ADGB: variants seen among roughly 807,000 people sequenced by gnomAD.
ADGB encodes calpain-7-like protein.
Under a neutral mutation model 210.5 loss-of-function variants are expected in ADGB, and 172 were observed. The ratio of observed to expected loss-of-function variants is 0.82; its 90% CI spans 0.72 to 0.93. The LOEUF is 0.93. ADGB is among the 40% of genes least tolerant of loss of function. The pLI is 0.00. For synonymous variants in ADGB, 658 were observed against 662.7 expected (o/e 0.99, Z 0.11); for missense variants, 2,025 against 1,964.8 (o/e 1.03, Z -0.58).
At chr6:146,706,313 G>T (rs960126655) in intron 13 of ADGB, among the ~76,000 whole-genome samples, 5 of 150,638 alleles carry the variant, frequency 3.3e-5, no homozygotes, top group African/African-American at 1.2e-4. Context: ...AGGCTGGAGT[G>T]CAGTGGCACA....
intron 19 of ADGB, among the ~76,000 whole-genome samples, chr6:146,728,336 T>C (rs1345652113): frequency 2.0e-5 from 3 of 152,174 alleles, no homozygotes; most frequent in Non-Finnish European, 4.4e-5. Flanking sequence ...GGGGAAATTT[T>C]ACGTGATCCC....
intron 2 of ADGB, among the ~76,000 whole-genome samples, chr6:146,641,124 A>G (rs988477447): frequency 6.6e-6 from 1 of 152,018 alleles, no homozygotes; most frequent in Admixed American, 6.6e-5. Flanking sequence ...AACAATAGCC[A>G]AAATGAGAGC....
In ADGB at chr6:146,778,286, C is replaced by A. The variant is rs1384126982; in HGVS notation, c.3863-3734C>A. Among the ~76,000 whole-genome samples, 4 of 152,106 alleles carry A rather than the reference C, an allele frequency of 2.6e-5. No homozygotes were observed. The East Asian group carries it at 5.8e-4, about 22-fold the overall frequency. On this transcript the variant is annotated intron_variant, in intron 29 of 35. Transcript: ENST00000397944. ...TTAGGATGAAGGGCTGGTACTGCAA[C>A]ACCTGGAGGCAGGGGAGGCCTGAGG...
At chr6:146,793,434 G>C (rs1019406251) in intron 33 of ADGB, among the ~76,000 whole-genome samples, 1 of 152,142 alleles carries the variant, frequency 6.6e-6, no homozygotes, top group African/African-American at 2.4e-5. Flanking sequence ...CTTCCTGCTG[G>C]ATGGGGGCAA....
intron 26 of ADGB, among the ~76,000 whole-genome samples, chr6:146,751,217 G>A (rs895382146): frequency 2.7e-5 from 4 of 149,324 alleles, no homozygotes; most frequent in African/African-American, 7.4e-5. Flanking sequence ...ACTTATAAGT[G>A]AGAATATGCA....
At chr6:146,799,691 G>A (rs1395752215) in intron 33 of ADGB, among the ~76,000 whole-genome samples, 1 of 152,014 alleles carries the variant, frequency 6.6e-6, no homozygotes, top group Admixed American at 6.6e-5. Context: ...TCTGGTAGGG[G>A]ATGTTAATAA....
At chr6:146,772,708 T>C (rs1195241082) in intron 29 of ADGB, among the ~76,000 whole-genome samples, 2 of 150,498 alleles carry the variant, frequency 1.3e-5, no homozygotes, top group Non-Finnish European at 3.0e-5. Flanking sequence ...TACCTGTGTA[T>C]ATTTTCTGTG....
intron 13 of ADGB, among the ~76,000 whole-genome samples, chr6:146,712,545 G>T (rs968737344): frequency 6.6e-6 from 1 of 151,958 alleles, no homozygotes; most frequent in Admixed American, 6.6e-5. Context: ...GCTGCATACT[G>T]CATGAACCAC....
At chr6:146,634,940 C>T (rs1775389918) in intron 1 of ADGB, among the ~76,000 whole-genome samples, 1 of 148,314 alleles carries the variant, frequency 6.7e-6, no homozygotes, top group African/African-American at 2.4e-5. Flanking sequence ...GAAATATTAA[C>T]AATATGCTGA....
At chr6:146,667,042 A>G (rs1226341287) in intron 7 of ADGB, 140 bp downstream of exon 7, 1 of 578,646 alleles carries the variant, frequency 1.7e-6, no homozygotes, top group Admixed American at 3.0e-5. Context: ...TTGTAGTATT[A>G]TATAAAGTTC....
chr6:146,708,065 A>C (rs1776601721), intron 13 of ADGB, among the ~76,000 whole-genome samples: 1 of 152,096 alleles, frequency 6.6e-6, no homozygotes, highest in African/African-American at 2.4e-5. Context: ...ATAGCAACTT[A>C]ACTTTGATCG....
intron 1 of ADGB, among the ~76,000 whole-genome samples, chr6:146,616,618 T>G (rs1780803413): frequency 6.6e-6 from 1 of 152,100 alleles, no homozygotes. Flanking sequence ...TGGTGAAAGG[T>G]GGGGGTCTAG....
At position 146,657,067 on chromosome 6, in the gene ADGB, C is replaced by T. The variant is rs747837421; in HGVS notation, c.612+87C>T. ...TGGCATGGTGGCTCATGCCTGTAAT[C>T]GCAGCACTTTGGGAGGCAAAGGCCA... On this transcript the variant is annotated intron_variant, in intron 5 of 35. Transcript: ENST00000397944. The T allele has an allele frequency of 7.9e-5, 98 of 1,246,446 alleles. No individual in the cohort carries two copies. The Middle Eastern group carries it at 5.9e-3, about 75-fold the overall frequency. The allele number at this position is 1,246,446 out of a possible 1,614,324, so 77.2% of individuals were successfully genotyped here.
chr6:146,698,140 G>T (rs1776435912), intron 12 of ADGB, among the ~76,000 whole-genome samples: 2 of 152,168 alleles, frequency 1.3e-5, no homozygotes, highest in Non-Finnish European at 2.9e-5. Flanking sequence ...TGGATTGCTA[G>T]TAATATGAAA....
In ADGB at chr6:146,691,301, C is replaced by A; in HGVS notation, c.1486+11C>A. 2 of 1,527,616 alleles carry A rather than the reference C, an allele frequency of 1.3e-6. No individual in the cohort carries two copies. The highest frequency in any genetic ancestry group is 1.8e-6 in the Non-Finnish European group (2 of 1,137,718). The allele number at this position is 1,527,616 out of a possible 1,614,324, so 94.6% of individuals were successfully genotyped here. A position where few individuals can be genotyped will look rare whatever the true frequency, so the allele number is the denominator to read the frequency against. On this transcript the variant is annotated intron_variant, in intron 11 of 35. Transcript: ENST00000397944. Reference sequence around the variant, plus strand: ...CAGATGAAGCTCAAGGTATGTATCACATCATCTTCAAATCCTTCTAATTAA... The same window carrying A: ...CAGATGAAGCTCAAGGTATGTATCAAATCATCTTCAAATCCTTCTAATTAA...
rs147671018 is a variant in ADGB at position 146,694,525 on chromosome 6, G to T, written c.1577+1610G>T. ...TCAACATATAAATTTGATGGCAGAA[G>T]TATATACACACCTTCAGACCATAGC... On this transcript the variant is annotated intron_variant, in intron 12 of 35. Transcript: ENST00000397944. 1.3e-5 allele frequency among the ~76,000 whole-genome samples: 2 copies of T among 152,128 alleles called. 1 individual carries two copies. The highest frequency in any genetic ancestry group is 4.1e-4 in the South Asian group (2 of 4,830).
At chr6:146,807,794 G>T in intron 35 of ADGB, 1 of 379,856 alleles carries the variant, frequency 2.6e-6, no homozygotes, top group Non-Finnish European at 4.6e-6. Context: ...CAATAAAATA[G>T]CTTCCAAATA....
intron 1 of ADGB, among the ~76,000 whole-genome samples, chr6:146,607,054 T>G (rs1204644262): frequency 2.0e-5 from 3 of 152,216 alleles, no homozygotes; most frequent in African/African-American, 7.2e-5. Context: ...TCCATTTATT[T>G]GTGTCATCTC....
At chr6:146,632,113 C>T (rs923019024) in intron 1 of ADGB, among the ~76,000 whole-genome samples, 10 of 152,014 alleles carry the variant, frequency 6.6e-5, no homozygotes, top group Admixed American at 6.6e-5. Context: ...CATTCATTGA[C>T]AAATTCATTT....
Sources: allele counts gnomAD v4.1 joint callset (sites outside exome capture counted in the v4.1 genomes callset), GRCh38; gene constraint gnomAD v4.1.1; transcripts MANE v1.5; gene names NCBI Gene and HGNC (gene_info 2026-07-23, HGNC 2026-07-21).